The following SMIM3 variants were observed in gnomAD, a reference collection of about 807,000 sequenced individuals.
SMIM3 encodes small integral membrane protein 3.
A neutral mutation model predicts 2.1 loss-of-function variants in SMIM3; 4 were observed. The observed-to-expected ratio is 1.89, with a 90% CI of 0.93 to 4.31. The LOEUF is 4.31. Among genes scored for constraint, SMIM3 ranks in the 30% most tolerant of loss-of-function variants. The pLI is 0.01. For missense variants in SMIM3, 79 were observed against 77.7 expected (o/e 1.02, Z -0.06); for synonymous variants, 29 against 30.8 (o/e 0.94, Z 0.19).
intron 1 of SMIM3, among the ~76,000 whole-genome samples, chr5:150,786,557 G>T (rs1364135029): frequency 6.6e-6 from 1 of 152,162 alleles, no homozygotes; most frequent in East Asian, 1.9e-4. Context: ...AAAGTGCTGA[G>T]ATCACAGGTG....
chr5:150,779,655 G>A (rs1753211067), intron 1 of SMIM3, among the ~76,000 whole-genome samples: 2 of 152,140 alleles, frequency 1.3e-5, no homozygotes, highest in Admixed American at 1.3e-4. Context: ...TCCTGAGGAC[G>A]TAGTTGTTCC....
At chr5:150,791,058 C>T (rs1420211788) in intron 1 of SMIM3, among the ~76,000 whole-genome samples, 1 of 152,088 alleles carries the variant, frequency 6.6e-6, no homozygotes, top group African/African-American at 2.4e-5. Context: ...GGCATAAAAT[C>T]ATGTTTTATG....
At chr5:150,779,120 A>T in intron 1 of SMIM3, 148 bp downstream of exon 1, 1 of 398,214 alleles carries the variant, frequency 2.5e-6, no homozygotes, top group Non-Finnish European at 5.0e-6. Flanking sequence ...CTCCCTTTTC[A>T]TCACTTTTGT....
chr5:150,785,892 A>C (rs530802150), intron 1 of SMIM3, among the ~76,000 whole-genome samples: 1 of 152,174 alleles, frequency 6.6e-6, no homozygotes, highest in East Asian at 1.9e-4. Flanking sequence ...CAGATTTACT[A>C]TATTTCTAAT....
chr5:150,792,363 G>T (rs899393657), intron 1 of SMIM3, among the ~76,000 whole-genome samples: 2 of 152,224 alleles, frequency 1.3e-5, no homozygotes, highest in African/African-American at 4.8e-5. Context: ...GGGAGCCCCA[G>T]TGAACTCACT....
Position 150,795,449 on chromosome 5 carries a change from A to C in SMIM3, c.9A>C (p.Ala3=). 1.2e-6 allele frequency: 2 copies of C among 1,614,018 alleles called. No homozygotes were observed. Among genetic ancestry groups the C allele is most frequent in the Non-Finnish European group, 1.7e-6 (2 of 1,179,896 alleles). Residue 3 remains alanine (A), a synonymous_variant, in exon 2 of 2, where the codon GCA becomes GCC. Coordinates refer to ENST00000526627, the MANE Select transcript of SMIM3 (RefSeq NM_032947.5). Reference sequence around the variant, plus strand: ...TTGCAGAGTGAAGCAACATGGATGCAGTCAGCCAAGTCCCCATGGAAGTCG... The same window carrying C: ...TTGCAGAGTGAAGCAACATGGATGCCGTCAGCCAAGTCCCCATGGAAGTCG... MD[A]VSQVPMEVVL...
rs754044336 is a variant in SMIM3 at position 150,778,833 on chromosome 5, G to C, written c.-151G>C. 2.1e-6 allele frequency: 1 copy of C among 477,672 alleles called. No individual in the cohort carries two copies. Among genetic ancestry groups the C allele is most frequent in the South Asian group, 1.5e-5 (1 of 64,978 alleles). 29.6% of individuals were successfully genotyped at this position (477,672 alleles called of 1,614,324 possible). A position where few individuals can be genotyped will look rare whatever the true frequency, so the allele number is the denominator to read the frequency against. On this transcript the variant is annotated 5_prime_UTR_variant, in exon 1 of 2. Transcript: ENST00000526627. ...CCGGGGCTCGGAGGAGCCGGGGCAC[G>C]TTCCAGGAGCTGCCTAGGGCTGAGG...
chr5:150,781,217 G>A (rs944264009), intron 1 of SMIM3, among the ~76,000 whole-genome samples: 3 of 152,174 alleles, frequency 2.0e-5, no homozygotes, highest in African/African-American at 7.2e-5. Context: ...TGGAATTGGG[G>A]GGAACTAGGT....
chr5:150,783,305 A>G (rs1285807712), intron 1 of SMIM3, among the ~76,000 whole-genome samples: 2 of 152,192 alleles, frequency 1.3e-5, no homozygotes, highest in Admixed American at 6.5e-5. Context: ...TTCTTCCTTG[A>G]CAACCTCAGC....
Position 150,796,467 on chromosome 5 carries a change from CA to C in SMIM3, c.*846del, listed in dbSNP as rs1451444885. 6.6e-6 allele frequency: 1 copy of C among 152,282 alleles called. No individual in the cohort carries two copies. The highest frequency in any genetic ancestry group is 2.4e-5 in the African/African-American group (1 of 41,426). 9.4% of individuals were successfully genotyped at this position (152,282 alleles called of 1,614,324 possible). On this transcript the variant is annotated 3_prime_UTR_variant, in exon 2 of 2. Transcript: ENST00000526627. ...CACCAGCTCTGCAGCCAGCCTATGG[CA>C]ATTATATTTTAAGAGGTGTTCCCAG...
chr5:150,784,559 C>T (rs1295470375), intron 1 of SMIM3, among the ~76,000 whole-genome samples: 2 of 152,154 alleles, frequency 1.3e-5, no homozygotes, highest in African/African-American at 4.8e-5. Context: ...AATCACTTTA[C>T]CTTTTTGGTA....
At chr5:150,787,934 G>A (rs1381953397) in intron 1 of SMIM3, among the ~76,000 whole-genome samples, 1 of 152,034 alleles carries the variant, frequency 6.6e-6, no homozygotes, top group Non-Finnish European at 1.5e-5. Flanking sequence ...CAAATACCAA[G>A]TACTTGACAT....
At chr5:150,785,550 G>C (rs998133381) in intron 1 of SMIM3, among the ~76,000 whole-genome samples, 94 of 149,198 alleles carry the variant, frequency 6.3e-4, no homozygotes, top group Non-Finnish European at 1.3e-3. Context: ...CTTTATCTTT[G>C]GATCTCAGCA....
intron 1 of SMIM3, among the ~76,000 whole-genome samples, chr5:150,783,914 CTTTTTTTT>C (rs557905770): frequency 9.0e-4 from 112 of 124,328 alleles, no homozygotes; most frequent in African/African-American, 3.1e-3. Flanking sequence ...TTTGAACTCC[CTTTTTTTT>C]TTTTTTTTTT....
At position 150,795,484 on chromosome 5, in the gene SMIM3, A is replaced by G. The variant is rs751811120; in HGVS notation, c.44A>G (p.Lys15Arg). 3 of 1,613,950 alleles carry G rather than the reference A, an allele frequency of 1.9e-6. No individual in the cohort carries two copies. The highest frequency in any genetic ancestry group is 2.5e-6 in the Non-Finnish European group (3 of 1,179,888). The change falls in exon 2 of 2, where the codon AAG becomes AGG. Residue 15 changes from lysine to arginine, a missense_variant. Transcript: ENST00000526627. ...SQVPMEVVLP[K>R]HILDIWVIVL... ...GTCCCCATGGAAGTCGTGCTTCCCAAGCACATCCTGGATATCTGGGTTATT... is the reference window on the plus strand; with the variant it reads ...GTCCCCATGGAAGTCGTGCTTCCCAGGCACATCCTGGATATCTGGGTTATT...
chr5:150,791,026 C>G (rs1455888167), intron 1 of SMIM3, among the ~76,000 whole-genome samples: 1 of 151,972 alleles, frequency 6.6e-6, no homozygotes, highest in Non-Finnish European at 1.5e-5. Flanking sequence ...GTAATAAATG[C>G]TCATGTTGAG....
At position 150,783,000 on chromosome 5, in the gene SMIM3, C is replaced by T. The variant is rs1753251773; in HGVS notation, c.-12+4028C>T. 2.0e-5 allele frequency among the ~76,000 whole-genome samples: 3 copies of T among 152,168 alleles called. No individual in the cohort carries two copies. The South Asian group carries it at 6.2e-4, about 31-fold the overall frequency. ...CCAATAAAAACAAACAAGCAACAAA[C>T]AAGCTAATTTTAGATTGTGAAAAGC... On this transcript the variant is annotated intron_variant, in intron 1 of 1. Coordinates refer to ENST00000526627, the MANE Select transcript of SMIM3 (RefSeq NM_032947.5).
At chr5:150,782,762 C>G (rs1440590959) in intron 1 of SMIM3, among the ~76,000 whole-genome samples, 1 of 152,202 alleles carries the variant, frequency 6.6e-6, no homozygotes, top group Admixed American at 6.5e-5. Flanking sequence ...TGGACCTCTT[C>G]AGTCAATTAG....
chr5:150,778,810 G>A lies in SMIM3; in HGVS notation c.-174G>A, dbSNP rs1250322010. 2.1e-6 allele frequency: 1 copy of A among 471,260 alleles called. No homozygotes were observed. The allele number at this position is 471,260 out of a possible 1,614,324, so 29.2% of individuals were successfully genotyped here. ...CCGCTCCTGCGCTCTCCCGCCTCCC[G>A]GGGCTCGGAGGAGCCGGGGCACGTT... On this transcript the variant is annotated 5_prime_UTR_variant, in exon 1 of 2. Coordinates refer to ENST00000526627, the MANE Select transcript of SMIM3 (RefSeq NM_032947.5).
Sources: gnomAD v4.1 joint callset for allele counts (sites outside exome capture counted in the v4.1 genomes callset) on GRCh38, gnomAD v4.1.1 for gene constraint, MANE v1.5 for transcripts, NCBI Gene and HGNC (gene_info 2026-07-23, HGNC 2026-07-21) for gene names.